Variants in SMARCA2 observed in about 807,000 individuals in gnomAD.
SMARCA2 encodes the protein SWI/SNF related BAF chromatin remodeling complex subunit ATPase 2.
Under a neutral mutation model 199.8 loss-of-function variants are expected in SMARCA2, and 61 were observed. The observed-to-expected ratio is 0.31, with a 90% CI of 0.25 to 0.38. The LOEUF (loss-of-function observed/expected upper bound fraction) is 0.38, where lower values mean the gene tolerates loss of function less well. SMARCA2 is among the 10% of genes least tolerant of loss of function. The pLI is 1.00. For missense variants in SMARCA2, 1,344 were observed against 2,012.2 expected (o/e 0.67, Z 6.35); for synonymous variants, 935 against 732.0 (o/e 1.28, Z -4.48).
At chr9:2,070,318 G>A (rs568902319) in intron 9 of SMARCA2, 100 bp from the exon 10 acceptor site, 1 of 900,000 alleles carries the variant, frequency 1.1e-6, no homozygotes, top group Non-Finnish European at 1.8e-6. Flanking sequence ...AGATAATAAT[G>A]GGGTAACAAT....
chr9:2,033,191 C>G (rs533228509), intron 3 of SMARCA2, 110 bp downstream of exon 3: 2 of 1,231,324 alleles, frequency 1.6e-6, no homozygotes, highest in African/African-American at 3.0e-5. Context: ...GAAGGTTGAA[C>G]CTAGTAGGTT....
chr9:2,119,559 C>T lies in SMARCA2; in HGVS notation c.3762+24C>T, dbSNP rs1823358552. ...TGGTAATGTTACAGAAAATCATGAA[C>T]ACAAATGCTTTATACCTCTGCCCCT... On this transcript the variant is annotated intron_variant, in intron 26 of 33. Coordinates refer to ENST00000349721, the MANE Select transcript of SMARCA2 (RefSeq NM_003070.5). The surrounding 1 kb of genome is among the most constrained non-coding windows in gnomAD (Gnocchi z 4.6). 1 of 1,500,528 alleles carries T rather than the reference C, an allele frequency of 6.7e-7. No homozygotes were observed. Among genetic ancestry groups the T allele is most frequent in the South Asian group, 1.1e-5 (1 of 88,754 alleles). The allele number at this position is 1,500,528 out of a possible 1,614,324, so 93.0% of individuals were successfully genotyped here.
chr9:2,083,792 T>G (rs540666163), intron 16 of SMARCA2, among the ~76,000 whole-genome samples: 2 of 152,350 alleles, frequency 1.3e-5, no homozygotes, highest in East Asian at 3.9e-4. Context: ...TCAACAGAAC[T>G]GGAGCCTTTC....
intron 28 of SMARCA2, among the ~76,000 whole-genome samples, chr9:2,165,638 T>G (rs928096016): frequency 6.6e-5 from 10 of 152,210 alleles, no homozygotes; most frequent in African/African-American, 2.4e-4. Flanking sequence ...TAGAAGCTTT[T>G]AAAAACTCAT....
chr9:2,084,034 A>T, intron 16 of SMARCA2, 52 bp from the exon 17 acceptor site: 1 of 951,576 alleles, frequency 1.1e-6, no homozygotes, highest in South Asian at 1.4e-5. Context: ...GTGAGAAATA[A>T]TGCACATATA....
chr9:2,139,736 C>T (rs900487433), intron 27 of SMARCA2, among the ~76,000 whole-genome samples: 10 of 152,122 alleles, frequency 6.6e-5, no homozygotes, highest in Non-Finnish European at 1.5e-4. Context: ...TTAGGTTCTA[C>T]GATAGTAATA....
intron 9 of SMARCA2, among the ~76,000 whole-genome samples, chr9:2,066,408 G>A (rs1457616524): frequency 6.6e-6 from 1 of 152,168 alleles, no homozygotes; most frequent in African/African-American, 2.4e-5. Flanking sequence ...TATACCTTCT[G>A]CAAGGAAGAT....
rs564484564 is a variant in SMARCA2, at chr9:2,049,010, G to A, written c.1046+1526G>A. Among the ~76,000 whole-genome samples, 3 of 152,256 alleles carry A rather than the reference G, an allele frequency of 2.0e-5. No individual in the cohort carries two copies. In the South Asian group the frequency reaches 6.2e-4, roughly 32 times the overall value. ...GCTCTAAAATTCTGACTTCCTAAGA[G>A]CTGATATTTTTTTTCCTACCCTAGG... On this transcript the variant is annotated intron_variant, in intron 5 of 33. Coordinates refer to ENST00000349721, the MANE Select transcript of SMARCA2 (RefSeq NM_003070.5).
intron 23 of SMARCA2, among the ~76,000 whole-genome samples, chr9:2,107,966 G>T (rs1586713283): frequency 6.6e-6 from 1 of 152,152 alleles, no homozygotes; most frequent in Non-Finnish European, 1.5e-5. Flanking sequence ...ATATTTATGG[G>T]GTAAGGAAGT....
At position 2,058,285 on chromosome 9, in the gene SMARCA2, T is replaced by A. The variant is rs1412244093; in HGVS notation, c.1348-6T>A. 1 of 1,613,092 alleles carries A rather than the reference T, an allele frequency of 6.2e-7. No homozygotes were observed. The highest frequency in any genetic ancestry group is 1.7e-5 in the Admixed American group (1 of 59,984). The stretch of plus-strand genomic sequence containing the variant: ...TATCCTTTTCTTCCCTTTTTGGATC[T>A]TCTAGGAATACCTGAACAGTATTTT... On this transcript the variant is annotated splice_region_variant and splice_polypyrimidine_tract_variant and intron_variant, in intron 7 of 33. Transcript: ENST00000349721.
Position 2,039,660 on chromosome 9 carries a change from G to T in SMARCA2, c.550G>T (p.Ala184Ser), listed in dbSNP as rs760594090. 7 of 1,614,072 alleles carry T rather than the reference G, an allele frequency of 4.3e-6. No individual in the cohort carries two copies. Among genetic ancestry groups the T allele is most frequent in the Non-Finnish European group, 5.9e-6 (7 of 1,180,044 alleles). ...TCCTGTCCAGCTGCATCAGCTTCGA[G>T]CTCAGATTTTAGCTTATAAAATGCT... Reference protein sequence around the residue: ...FSPVQLHQLRAQILAYKMLAR... With the variant: ...FSPVQLHQLRSQILAYKMLAR... Residue 184 changes from alanine (A) to serine (S), a missense_variant, in exon 4 of 34, where the codon GCT becomes TCT. Physicochemically the swap from Ala to Ser is moderately conservative, Grantham distance 99. Around this residue, in one of 18 missense-constraint regions of SMARCA2, gnomAD observed 24 missense variants for 53.7 expected, o/e 0.45. Transcript: ENST00000349721. This position sits in a 1 kb window ranked among gnomAD's most constrained non-coding sequence, Gnocchi z 4.8.
Position 2,159,722 on chromosome 9 carries a change from A to G in SMARCA2, c.3982-1964A>G, listed in dbSNP as rs1030516726. On this transcript the variant is annotated intron_variant, in intron 27 of 33. Transcript: ENST00000349721. ...CATGAAACAGCAGATTTGAGTATCC[A>G]CAATCCTTTCAGTATTAAATTTTCA... 1.4e-5 allele frequency: 21 copies of G among 1,501,156 alleles called. No homozygotes were observed. The African/African-American group carries it at 2.9e-4, about 21-fold the overall frequency. The allele number at this position is 1,501,156 out of a possible 1,614,324, so 93.0% of individuals were successfully genotyped here. A position where few individuals can be genotyped will look rare whatever the true frequency, so the allele number is the denominator to read the frequency against.
chr9:2,054,573 T>C (rs779411292), intron 5 of SMARCA2, 24 bp from the exon 6 acceptor site: 7 of 1,602,162 alleles, frequency 4.4e-6, no homozygotes, highest in African/African-American at 2.7e-5. Context: ...TGCCCCCTTT[T>C]CCCCATTTTA....
intron 14 of SMARCA2, among the ~76,000 whole-genome samples, chr9:2,080,411 G>A (rs915683861): frequency 2.6e-5 from 4 of 152,068 alleles, no homozygotes; most frequent in Non-Finnish European, 2.9e-5. Context: ...TAGCACAAAC[G>A]CAAAATTCAG....
intron 27 of SMARCA2, among the ~76,000 whole-genome samples, chr9:2,139,478 C>T (rs146005550): frequency 0.014 from 2,098 of 152,214 alleles, 22 homozygotes; most frequent in Non-Finnish European, 0.019. Context: ...AAGTCCAGCA[C>T]GCTAGAGTGT....
intron 24 of SMARCA2, among the ~76,000 whole-genome samples, chr9:2,114,392 C>A (rs536724468): frequency 2.0e-5 from 3 of 152,310 alleles, no homozygotes; most frequent in African/African-American, 7.2e-5. Context: ...TCCAGGGCAG[C>A]CTTTTGTCTG....
chr9:2,111,500 AAAAAAAAAAAG>A (rs1478559153), intron 24 of SMARCA2, among the ~76,000 whole-genome samples: 2 of 151,412 alleles, frequency 1.3e-5, no homozygotes, highest in African/African-American at 2.4e-5. Context: ...TCAAAAAAAA[AAAAAAAAAAAG>A]AAAAGCAAAA....
chr9:2,020,354 A>C (rs1405955755), intron 1 of SMARCA2, among the ~76,000 whole-genome samples: 1 of 151,920 alleles, frequency 6.6e-6, no homozygotes, highest in Admixed American at 6.6e-5. Context: ...TTATTAGGGG[A>C]CTCTAACCTT....
rs1023851109 is a variant in SMARCA2 at position 2,104,761 on chromosome 9, A to G, written c.3292+592A>G. On this transcript the variant is annotated intron_variant, in intron 23 of 33. Coordinates refer to ENST00000349721, the MANE Select transcript of SMARCA2 (RefSeq NM_003070.5). This position sits in a 1 kb window ranked among gnomAD's most constrained non-coding sequence, Gnocchi z 4.0. The stretch of plus-strand genomic sequence containing the variant: ...ATACCGTGTCCTAAAAATTAGTAAG[A>G]AAAAATATTAATGGAAGCAAATATG... Among the ~76,000 whole-genome samples, 1 of 152,220 alleles carries G rather than the reference A, an allele frequency of 6.6e-6. No homozygotes were observed. Among genetic ancestry groups the G allele is most frequent in the Non-Finnish European group, 1.5e-5 (1 of 68,034 alleles).
Sources: allele counts gnomAD v4.1 joint callset (sites outside exome capture counted in the v4.1 genomes callset), GRCh38; gene constraint gnomAD v4.1.1; regional missense constraint gnomAD v4.1.1; non-coding constraint Gnocchi (gnomAD v3.1); transcripts MANE v1.5; gene names NCBI Gene and HGNC (gene_info 2026-07-23, HGNC 2026-07-21).